XCR1: variants seen among roughly 807,000 people sequenced by gnomAD.
XCR1 encodes chemokine XC receptor 1.
For synonymous variants in XCR1, 187 were observed against 188.5 expected (o/e 0.99, Z 0.06); for missense variants, 356 against 424.2 (o/e 0.84, Z 1.41).
upstream of XCR1, among the ~76,000 whole-genome samples, chr3:46,031,864 T>C (rs1708400558): frequency 6.6e-6 from 1 of 152,132 alleles, no homozygotes; most frequent in Admixed American, 6.5e-5. Context: ...GGCTACCCAC[T>C]CTAGGGCCTC....
intron 5 of XCR1, among the ~76,000 whole-genome samples, chr3:46,037,692 T>C (rs1221639638): frequency 6.6e-6 from 1 of 152,166 alleles, no homozygotes; most frequent in Non-Finnish European, 1.5e-5. Flanking sequence ...TGGAAAAATT[T>C]GACTGATTAA....
intron 4 of XCR1, among the ~76,000 whole-genome samples, chr3:46,065,799 G>A (rs1245424241): frequency 1.3e-5 from 2 of 152,186 alleles, no homozygotes; most frequent in East Asian, 1.9e-4. Context: ...AGCCCTGGGC[G>A]GTGTGCTCTA....
At chr3:46,046,147 C>G (rs1424419370) in intron 5 of XCR1, among the ~76,000 whole-genome samples, 1 of 152,138 alleles carries the variant, frequency 6.6e-6, no homozygotes, top group Non-Finnish European at 1.5e-5. Flanking sequence ...TTCTCACTTA[C>G]AAGTGGTATA....
chr3:46,038,147 C>G (rs1323814526), intron 5 of XCR1, among the ~76,000 whole-genome samples: 2 of 151,700 alleles, frequency 1.3e-5, no homozygotes, highest in Non-Finnish European at 2.9e-5. Flanking sequence ...TCTGCCTCAG[C>G]CTCCCAAGTA....
chr3:46,024,454 A>T (rs1303480205), intron 1 of XCR1, among the ~76,000 whole-genome samples: 3 of 152,288 alleles, frequency 2.0e-5, no homozygotes, highest in East Asian at 3.9e-4. Context: ...ACTTGGAATA[A>T]TTTTTTTCAA....
chr3:46,054,816 A>G (rs1349403841), intron 4 of XCR1, among the ~76,000 whole-genome samples: 1 of 152,186 alleles, frequency 6.6e-6, no homozygotes, highest in Non-Finnish European at 1.5e-5. Flanking sequence ...AGCAATCATG[A>G]TGAATGAGGG....
At chr3:46,065,641 A>G (rs183868898) in intron 4 of XCR1, among the ~76,000 whole-genome samples, 1 of 152,196 alleles carries the variant, frequency 6.6e-6, no homozygotes, top group Non-Finnish European at 1.5e-5. Flanking sequence ...AGTTGGGGAA[A>G]TGCAGGTGGT....
At chr3:46,053,601 A>G (rs1697792895) in intron 5 of XCR1, among the ~76,000 whole-genome samples, 1 of 150,042 alleles carries the variant, frequency 6.7e-6, no homozygotes, top group African/African-American at 2.4e-5. Context: ...ACTAAACTCC[A>G]AGAGGAGAAA....
At chr3:46,024,057 C>A in intron 1 of XCR1, 1 of 1,050,152 alleles carries the variant, frequency 9.5e-7, no homozygotes, top group Non-Finnish European at 1.5e-6. Context: ...AAGCCAAGGA[C>A]ATTCCAATCC....
chr3:46,034,581 GT>G (rs1191341411), intron 5 of XCR1, among the ~76,000 whole-genome samples: 1 of 152,006 alleles, frequency 6.6e-6, no homozygotes, highest in Non-Finnish European at 1.5e-5. Flanking sequence ...AGAATGTTAG[GT>G]TTAGGTTTTC....
rs544628629 is a variant in XCR1 at position 46,039,266 on chromosome 3, A to G, written c.-32+14654T>C. On this transcript the variant is annotated intron_variant, in intron 5 of 5. Coordinates refer to the XCR1 transcript ENST00000683768. ...AGTGAAAGGAGATATTCTCATACTG[A>G]ATTTGCAAAACTGATACTTGCATTT... 2.4e-3 allele frequency among the ~76,000 whole-genome samples: 312 copies of G among 131,386 alleles called. 3 individuals are homozygous for G. Among genetic ancestry groups the G allele is most frequent in the Middle Eastern group, 0.012 (3 of 254 alleles). The allele number at this position is 131,386 out of a possible 152,430, so 86.2% of individuals were successfully genotyped here.
chr3:46,058,811 C>G (rs116277633), intron 4 of XCR1, among the ~76,000 whole-genome samples: 1 of 152,116 alleles, frequency 6.6e-6, no homozygotes, highest in Non-Finnish European at 1.5e-5. Flanking sequence ...GGGATCCACC[C>G]ACCTTGGCCT....
rs182780050 is a variant in XCR1, at chr3:46,039,453, G to A, written c.-32+14467C>T. 2.0e-4 allele frequency among the ~76,000 whole-genome samples: 30 copies of A among 152,224 alleles called. No homozygotes were observed. The East Asian group carries it at 2.9e-3, about 15-fold the overall frequency. ...AACTACTTTAATCCGGTGGTTTGAA[G>A]TACTGCAGGCAGTCACTCCTAGACA... On this transcript the variant is annotated intron_variant, in intron 5 of 5. Transcript: ENST00000683768.
At chr3:46,044,733 G>A (rs7609756) in intron 5 of XCR1, among the ~76,000 whole-genome samples, 66,270 of 151,660 alleles carry the variant, frequency 0.44, 16,522 homozygotes, top group African/African-American at 0.69. Context: ...CTCTATGCCT[G>A]CAAATCCGAT....
chr3:46,021,762 C>T lies in XCR1; in HGVS notation c.186G>A (p.Leu62=), dbSNP rs367822295. The T allele has an allele frequency of 1.2e-6, 2 of 1,614,096 alleles. No individual in the cohort carries two copies. Among genetic ancestry groups the T allele is most frequent in the Non-Finnish European group, 1.7e-6 (2 of 1,180,012 alleles). ...GGATGAAGATGTTGGTGAGGGACTC[C>T]AGGCTCTCATACTTCACCAGGACCC... ...VLWVLVKYES[L]ESLTNIFILN... The change falls in exon 2 of 2, where the codon CTG becomes CTA. Residue 62 remains leucine, a synonymous_variant. Transcript: ENST00000309285. This position sits in a 1 kb window ranked among gnomAD's most constrained non-coding sequence, Gnocchi z 4.7.
rs1319795056 is a variant in XCR1 at position 46,023,413 on chromosome 3, T to C, written c.-31-1435A>G. Reference sequence around the variant, plus strand: ...TTCTTGTCACAAAAAGGCTGCGGCATATCTTTCTGAAGCCATGAAGCTGAC... The same window carrying C: ...TTCTTGTCACAAAAAGGCTGCGGCACATCTTTCTGAAGCCATGAAGCTGAC... On this transcript the variant is annotated intron_variant, in intron 1 of 1. Coordinates refer to ENST00000309285, the MANE Select transcript of XCR1 (RefSeq NM_001024644.2). 35 of 1,468,940 alleles carry C rather than the reference T, an allele frequency of 2.4e-5. 1 individual carries two copies. The East Asian group carries it at 3.0e-4, about 12-fold the overall frequency. 91.0% of individuals were successfully genotyped at this position (1,468,940 alleles called of 1,614,324 possible).
At chr3:46,084,073 G>A (rs189811815) in intron 1 of XCR1, among the ~76,000 whole-genome samples, 1 of 152,220 alleles carries the variant, frequency 6.6e-6, no homozygotes, top group African/African-American at 2.4e-5. Context: ...GACTGGCGAT[G>A]ATGGAGCAAA....
chr3:46,040,453 T>C (rs776485955), intron 5 of XCR1, among the ~76,000 whole-genome samples: 13 of 152,142 alleles, frequency 8.5e-5, no homozygotes, highest in Non-Finnish European at 1.8e-4. Context: ...GCTTATTTTA[T>C]AAGTTAGAAT....
At chr3:46,040,025 G>A (rs1180524872) in intron 5 of XCR1, among the ~76,000 whole-genome samples, 3 of 152,096 alleles carry the variant, frequency 2.0e-5, no homozygotes, top group Non-Finnish European at 2.9e-5. Context: ...TAGCTTTAAC[G>A]TTAATAATAC....
Sources: allele counts gnomAD v4.1 joint callset (sites outside exome capture counted in the v4.1 genomes callset), GRCh38; gene constraint gnomAD v4.1.1; non-coding constraint Gnocchi (gnomAD v3.1); transcripts MANE v1.5; gene names NCBI Gene and HGNC (gene_info 2026-07-23, HGNC 2026-07-21).